The following ADGRB3 variants were observed in gnomAD, a reference collection of about 807,000 sequenced individuals.
ADGRB3 encodes adhesion G protein-coupled receptor B3.
In ADGRB3, 37 loss-of-function variants were observed where a neutral mutation model predicts 193.4. The ratio of observed to expected loss-of-function variants is 0.19; its 90% CI spans 0.15 to 0.25. The LOEUF (loss-of-function observed/expected upper bound fraction) is 0.25, where lower values mean the gene tolerates loss of function less well. ADGRB3 is among the 10% of genes least tolerant of loss of function. ADGRB3 has a pLI of 1.00. For missense variants in ADGRB3, 1,637 were observed against 1,852.9 expected (o/e 0.88, Z 2.14); for synonymous variants, 690 against 644.2 (o/e 1.07, Z -1.08).
chr6:68,894,237 A>G (rs1766158771), intron 3 of ADGRB3, among the ~76,000 whole-genome samples: 1 of 151,938 alleles, frequency 6.6e-6, no homozygotes, highest in African/African-American at 2.4e-5. Flanking sequence ...GTAGGAATAC[A>G]TTGCTTCCTG....
chr6:68,980,331 A>C (rs1768871344), intron 10 of ADGRB3, among the ~76,000 whole-genome samples: 1 of 151,546 alleles, frequency 6.6e-6, no homozygotes, highest in Admixed American at 6.6e-5. Flanking sequence ...GTAGTTTATT[A>C]GAACAGATAG....
chr6:68,886,457 T>C (rs965073163), intron 3 of ADGRB3, among the ~76,000 whole-genome samples: 1 of 152,142 alleles, frequency 6.6e-6, no homozygotes, highest in East Asian at 1.9e-4. Context: ...AGCAGAAATA[T>C]GGACTGTCTC....
At chr6:68,944,110 C>A in intron 6 of ADGRB3, 116 bp downstream of exon 6, 1 of 1,144,050 alleles carries the variant, frequency 8.7e-7, no homozygotes. Flanking sequence ...GAAATGTGTC[C>A]TTTTCATTGT....
At chr6:69,078,245 A>G (rs9354814) in intron 17 of ADGRB3, among the ~76,000 whole-genome samples, 48,400 of 151,760 alleles carry the variant, frequency 0.32, 9,412 homozygotes, top group East Asian at 0.86. Flanking sequence ...TTGATTTTTA[A>G]TTACAAAAGC....
intron 3 of ADGRB3, among the ~76,000 whole-genome samples, chr6:68,930,356 T>C (rs1767304658): frequency 6.6e-6 from 1 of 152,106 alleles, no homozygotes; most frequent in Non-Finnish European, 1.5e-5. Flanking sequence ...TGACTATTAC[T>C]GTTTTTTGAA....
chr6:69,292,757 T>C (rs1336145242), intron 20 of ADGRB3, among the ~76,000 whole-genome samples: 4 of 152,090 alleles, frequency 2.6e-5, no homozygotes, highest in Non-Finnish European at 2.9e-5. Context: ...TTAGGGTACA[T>C]GTGCACAATG....
chr6:68,644,501 G>T (rs950929265), intron 3 of ADGRB3, among the ~76,000 whole-genome samples: 3 of 152,008 alleles, frequency 2.0e-5, no homozygotes, highest in African/African-American at 7.2e-5. Context: ...TACTTGTACA[G>T]TAATGACATT....
intron 3 of ADGRB3, among the ~76,000 whole-genome samples, chr6:68,788,416 A>T (rs939830556): frequency 5.3e-5 from 8 of 152,038 alleles, no homozygotes; most frequent in African/African-American, 1.4e-4. Flanking sequence ...TTATTTACTC[A>T]GTAGTCATTC....
chr6:69,004,512 C>G (rs1351600995), intron 11 of ADGRB3, among the ~76,000 whole-genome samples: 4 of 151,780 alleles, frequency 2.6e-5, no homozygotes, highest in African/African-American at 9.7e-5. Context: ...GTGCTGCACC[C>G]ATTAACTAGT....
rs1211404483 is a variant in ADGRB3 at position 68,801,513 on chromosome 6, C to A, written c.758-129046C>A. ...GACCAGCCTGGTCAACATAGCGAAACCCCATCTCTACTAAAAATACAAAAA... is the reference window on the plus strand; with the variant it reads ...GACCAGCCTGGTCAACATAGCGAAAACCCATCTCTACTAAAAATACAAAAA... On this transcript the variant is annotated intron_variant, in intron 3 of 31. Coordinates refer to ENST00000370598, the MANE Select transcript of ADGRB3 (RefSeq NM_001704.3). Among the ~76,000 whole-genome samples the A allele has an allele frequency of 2.6e-5, 4 of 151,990 alleles. No individual in the cohort carries two copies. In the East Asian group the frequency reaches 5.9e-4, roughly 22 times the overall value.
intron 3 of ADGRB3, among the ~76,000 whole-genome samples, chr6:68,924,729 G>A (rs1011251703): frequency 2.0e-5 from 3 of 151,908 alleles, no homozygotes; most frequent in Non-Finnish European, 4.4e-5. Flanking sequence ...CGGAAAGCAA[G>A]TTTCATTTTG....
At chr6:68,700,703 C>T (rs1732665655) in intron 3 of ADGRB3, among the ~76,000 whole-genome samples, 2 of 151,538 alleles carry the variant, frequency 1.3e-5, no homozygotes, top group Admixed American at 1.3e-4. Context: ...CCATCATTCT[C>T]AGCAAACTAT....
At chr6:69,216,607 C>G (rs566391929) in intron 17 of ADGRB3, among the ~76,000 whole-genome samples, 2 of 152,272 alleles carry the variant, frequency 1.3e-5, no homozygotes, top group South Asian at 4.2e-4. Context: ...TGGGCTATCT[C>G]CAGAGCAAAG....
At chr6:69,070,223 G>A (rs1772041148) in intron 16 of ADGRB3, among the ~76,000 whole-genome samples, 2 of 152,116 alleles carry the variant, frequency 1.3e-5, no homozygotes, top group African/African-American at 4.8e-5. Flanking sequence ...GTACAAAAAA[G>A]TTCTGAAGTT....
chr6:68,806,138 A>G (rs1767396613), intron 3 of ADGRB3, among the ~76,000 whole-genome samples: 1 of 152,196 alleles, frequency 6.6e-6, no homozygotes, highest in African/African-American at 2.4e-5. Context: ...TCAGGCAAGA[A>G]GGTAAATGGT....
chr6:69,242,267 A>T (rs1050269850), intron 20 of ADGRB3, among the ~76,000 whole-genome samples: 3 of 151,098 alleles, frequency 2.0e-5, no homozygotes, highest in African/African-American at 7.4e-5. Context: ...TCAATAACTA[A>T]AGTATTTTAT....
intron 3 of ADGRB3, among the ~76,000 whole-genome samples, chr6:68,767,866 A>C (rs972192000): frequency 5.3e-5 from 8 of 152,208 alleles, no homozygotes; most frequent in Non-Finnish European, 1.2e-4. Context: ...ATCAGTGTGC[A>C]AAAATCACAA....
intron 17 of ADGRB3, among the ~76,000 whole-genome samples, chr6:69,163,881 A>G (rs1264369434): frequency 6.6e-6 from 1 of 152,066 alleles, no homozygotes; most frequent in Non-Finnish European, 1.5e-5. Flanking sequence ...TCCTTCAGGT[A>G]TTGCATTATT....
chr6:69,176,463 A>G lies in ADGRB3; in HGVS notation c.2481-56827A>G, dbSNP rs180985844. On this transcript the variant is annotated intron_variant, in intron 17 of 31. Transcript: ENST00000370598. ...GTATTGATTTGCGTATGGTAAGCCA[A>G]CCTTGCATCCCAGGAATGAAGCCTA... Among the ~76,000 whole-genome samples, 343 of 152,324 alleles carry G rather than the reference A, an allele frequency of 2.3e-3. 4 individuals are homozygous for G. Among genetic ancestry groups the G allele is most frequent in the African/African-American group, 8.1e-3 (336 of 41,562 alleles).
Sources: gnomAD v4.1 joint callset for allele counts (sites outside exome capture counted in the v4.1 genomes callset) on GRCh38, gnomAD v4.1.1 for gene constraint, MANE v1.5 for transcripts, NCBI Gene and HGNC (gene_info 2026-07-23, HGNC 2026-07-21) for gene names.